The following ADAMTS17 variants were observed in gnomAD, a reference collection of about 807,000 sequenced individuals.
ADAMTS17 encodes the protein A disintegrin and metalloproteinase with thrombospondin motifs 17.
In ADAMTS17, 113 loss-of-function variants were observed where a neutral mutation model predicts 141.5. That is an observed-to-expected ratio of 0.80 (90% CI 0.69 to 0.93). The LOEUF (loss-of-function observed/expected upper bound fraction) is 0.93. Ranked by LOEUF, ADAMTS17 falls within the 40% of genes least tolerant of loss-of-function variation. The pLI is 0.00. For synonymous variants in ADAMTS17, 768 were observed against 630.6 expected (o/e 1.22, Z -3.27); for missense variants, 1,659 against 1,517.9 (o/e 1.09, Z -1.54).
chr15:100,186,570 A>T (rs568054585), intron 8 of ADAMTS17, among the ~76,000 whole-genome samples: 123 of 152,334 alleles, frequency 8.1e-4, no homozygotes, highest in African/African-American at 2.9e-3. Context: ...CAGCAGTCAA[A>T]CAAGCAGTGA....
At chr15:100,116,734 T>C (rs1409657654) in intron 13 of ADAMTS17, 113 bp downstream of exon 13, 22 of 1,435,212 alleles carry the variant, frequency 1.5e-5, no homozygotes, top group Non-Finnish European at 1.9e-5. Context: ...AGGACTGGAG[T>C]GTCTTGCTGG....
chr15:100,254,540 T>TAC (rs1306970474), intron 6 of ADAMTS17, among the ~76,000 whole-genome samples: 1 of 152,206 alleles, frequency 6.6e-6, no homozygotes, highest in Non-Finnish European at 1.5e-5. Context: ...CAAGCTACTC[T>TAC]ACTTCCCCAA....
intron 18 of ADAMTS17, among the ~76,000 whole-genome samples, chr15:100,046,069 C>T (rs1170180233): frequency 6.6e-6 from 1 of 152,092 alleles, no homozygotes; most frequent in Non-Finnish European, 1.5e-5. Context: ...TTAGTACAGA[C>T]AGGGTTTCAC....
chr15:100,029,790 T>C (rs2029944805), intron 18 of ADAMTS17, among the ~76,000 whole-genome samples: 1 of 152,236 alleles, frequency 6.6e-6, no homozygotes, highest in African/African-American at 2.4e-5. Context: ...ATTTCCACCA[T>C]GCTTTCTGAG....
chr15:100,273,918 T>C (rs1025268624), intron 4 of ADAMTS17, among the ~76,000 whole-genome samples: 1 of 152,190 alleles, frequency 6.6e-6, no homozygotes, highest in African/African-American at 2.4e-5. Context: ...CAATGTCACT[T>C]GTGATTTCTT....
At chr15:100,335,386 C>T (rs2046178301) in intron 2 of ADAMTS17, among the ~76,000 whole-genome samples, 1 of 152,182 alleles carries the variant, frequency 6.6e-6, no homozygotes, top group South Asian at 2.1e-4. Flanking sequence ...GCCTCGGTGA[C>T]TTTTCAGTCA....
rs1231167112 is a variant in ADAMTS17, at chr15:99,973,196, C to T, written c.*1206G>A. The T allele has an allele frequency of 6.6e-6, 1 of 152,130 alleles. No homozygotes were observed. Among genetic ancestry groups the T allele is most frequent in the Non-Finnish European group, 1.5e-5 (1 of 68,058 alleles). The allele number at this position is 152,130 out of a possible 1,614,324, so 9.4% of individuals were successfully genotyped here. On this transcript the variant is annotated 3_prime_UTR_variant, in exon 22 of 22. Coordinates refer to ENST00000268070, the MANE Select transcript of ADAMTS17 (RefSeq NM_139057.4). ...TCCTTCATCATGCATCATCCTTGCCCCACCAAGAAGATGGGTCAATGATGA... is the reference window on the plus strand; with the variant it reads ...TCCTTCATCATGCATCATCCTTGCCTCACCAAGAAGATGGGTCAATGATGA...
Position 100,154,293 on chromosome 15 carries a change from A to C in ADAMTS17, c.1322+887T>G, listed in dbSNP as rs74037518. On this transcript the variant is annotated intron_variant, in intron 9 of 21. Coordinates refer to ENST00000268070, the MANE Select transcript of ADAMTS17 (RefSeq NM_139057.4). ...CTAAGATCTGTGGTATCAAATACTC[A>C]GTGGGAAGTAGACTACATTAAAAGT... Among the ~76,000 whole-genome samples, 675 of 152,346 alleles carry C rather than the reference A, an allele frequency of 4.4e-3. 4 individuals are homozygous for C. Among genetic ancestry groups the C allele is most frequent in the African/African-American group, 0.016 (656 of 41,578 alleles).
chr15:100,265,504 G>C (rs545435509), intron 4 of ADAMTS17, among the ~76,000 whole-genome samples: 1 of 152,336 alleles, frequency 6.6e-6, no homozygotes, highest in Admixed American at 6.5e-5. Flanking sequence ...TGGCAGCCTA[G>C]GGGCCTAGCA....
chr15:100,292,242 C>CCCCGTGAGAAACTATGAGAGACGCTCAG (rs2044659067), intron 3 of ADAMTS17, among the ~76,000 whole-genome samples: 1 of 145,292 alleles, frequency 6.9e-6, no homozygotes, highest in Non-Finnish European at 1.5e-5. Context: ...GAGACGCTCA[C>CCCCGTGAGAAACTATGAGAGACGCTCAG]CCCGTGAGAA....
intron 8 of ADAMTS17, among the ~76,000 whole-genome samples, chr15:100,196,803 A>G (rs897209829): frequency 6.6e-5 from 10 of 152,214 alleles, no homozygotes; most frequent in Non-Finnish European, 1.5e-4. Flanking sequence ...CAGCCCAGCA[A>G]CCAGAGGGGC....
chr15:100,167,228 T>C (rs549942706), intron 8 of ADAMTS17, among the ~76,000 whole-genome samples: 7 of 152,320 alleles, frequency 4.6e-5, no homozygotes, highest in Non-Finnish European at 1.0e-4. Flanking sequence ...GATATCATCA[T>C]AGCATATCTT....
intron 7 of ADAMTS17, among the ~76,000 whole-genome samples, chr15:100,216,964 A>G (rs1257318987): frequency 6.6e-6 from 1 of 152,170 alleles, no homozygotes; most frequent in Non-Finnish European, 1.5e-5. Context: ...CTTCCCATGT[A>G]TTTAATCAAA....
intron 18 of ADAMTS17, among the ~76,000 whole-genome samples, chr15:100,007,202 C>T (rs2061052658): frequency 6.6e-6 from 1 of 152,210 alleles, no homozygotes; most frequent in African/African-American, 2.4e-5. Context: ...ATAAGCGGGG[C>T]TCAGCATTCA....
intron 13 of ADAMTS17, among the ~76,000 whole-genome samples, chr15:100,116,288 C>T (rs930267662): frequency 3.3e-5 from 5 of 152,184 alleles, no homozygotes; most frequent in African/African-American, 7.2e-5. Context: ...TGCAGTGGCC[C>T]GATGGGGCAG....
chr15:100,244,914 G>A (rs1013524345), intron 7 of ADAMTS17, among the ~76,000 whole-genome samples: 1 of 152,140 alleles, frequency 6.6e-6, no homozygotes, highest in South Asian at 2.1e-4. Flanking sequence ...TTCCATTTAT[G>A]ATTCTACTCC....
chr15:100,312,485 G>A (rs188426124), intron 3 of ADAMTS17, among the ~76,000 whole-genome samples: 2 of 152,292 alleles, frequency 1.3e-5, no homozygotes, highest in East Asian at 1.9e-4. Context: ...CTCCAGAGCC[G>A]TAAGATAATA....
chr15:100,184,063 G>A (rs1021267041), intron 8 of ADAMTS17, among the ~76,000 whole-genome samples: 3 of 152,178 alleles, frequency 2.0e-5, no homozygotes, highest in African/African-American at 7.2e-5. Context: ...GCTGGGAGCA[G>A]ATCGAGCTGC....
chr15:100,097,369 G>C (rs1956427617), intron 14 of ADAMTS17, among the ~76,000 whole-genome samples: 1 of 152,130 alleles, frequency 6.6e-6, no homozygotes, highest in African/African-American at 2.4e-5. Flanking sequence ...ACTCCAAAGG[G>C]ATCTACAGCC....
Sources: allele counts gnomAD v4.1 joint callset (sites outside exome capture counted in the v4.1 genomes callset), GRCh38; gene constraint gnomAD v4.1.1; transcripts MANE v1.5; gene names NCBI Gene and HGNC (gene_info 2026-07-23, HGNC 2026-07-21).